The following DDX4 variants were observed in gnomAD, a reference collection of about 807,000 sequenced individuals.
DDX4 encodes DEAD-box helicase 4, also known as probable ATP-dependent RNA helicase DDX4.
In DDX4, 25 loss-of-function variants were observed where a neutral mutation model predicts 100.0. That is an observed-to-expected ratio of 0.25 (90% CI 0.18 to 0.35). The LOEUF (loss-of-function observed/expected upper bound fraction) is 0.35. Among genes scored for constraint, DDX4 ranks in the 10% least tolerant of loss-of-function variants. The pLI is 1.00. For missense variants in DDX4, 635 were observed against 882.4 expected (o/e 0.72, Z 3.55); for synonymous variants, 259 against 275.7 (o/e 0.94, Z 0.60).
chr5:55,745,332 A>C (rs1397922207), intron 2 of DDX4, among the ~76,000 whole-genome samples: 1 of 152,246 alleles, frequency 6.6e-6, no homozygotes, highest in Non-Finnish European at 1.5e-5. Context: ...ACTGTAATAT[A>C]TGGAACTTGG....
In DDX4 at chr5:55,785,562, TAAAAAC is replaced by T. The variant is rs1483540981; in HGVS notation, c.721+72_721+77del. 4.3e-6 allele frequency: 6 copies of T among 1,388,416 alleles called. No individual in the cohort carries two copies. The African/African-American group carries it at 4.4e-5, about 10-fold the overall frequency. 86.0% of individuals were successfully genotyped at this position (1,388,416 alleles called of 1,614,324 possible). On this transcript the variant is annotated intron_variant, in intron 12 of 21. Coordinates refer to ENST00000505374, the MANE Select transcript of DDX4 (RefSeq NM_024415.3). ...TTTAATAATGCTTAAGTATTTTACT[TAAAAAC>T]AAAGTTATCTTTTAAAAATTTGAAC...
At chr5:55,794,026 T>A (rs1742754253) in intron 17 of DDX4, among the ~76,000 whole-genome samples, 2 of 152,330 alleles carry the variant, frequency 1.3e-5, no homozygotes, top group South Asian at 4.1e-4. Flanking sequence ...TATTGATTTA[T>A]TTTTTATATG....
intron 6 of DDX4, among the ~76,000 whole-genome samples, chr5:55,767,155 A>G (rs1303612079): frequency 6.6e-6 from 1 of 152,174 alleles, no homozygotes; most frequent in Admixed American, 6.6e-5. Flanking sequence ...AGAATGGTAA[A>G]TTGGCCGGGT....
In DDX4 at chr5:55,749,984, C is replaced by CA. The variant is rs56883424; in HGVS notation, c.127+3777dup. Among the ~76,000 whole-genome samples, 751 of 123,106 alleles carry CA rather than the reference C, an allele frequency of 6.1e-3. 5 individuals carry two copies. Among genetic ancestry groups the CA allele is most frequent in the Middle Eastern group, 0.014 (3 of 218 alleles). 80.8% of individuals were successfully genotyped at this position (123,106 alleles called of 152,430 possible). ...ATCCACAGTTCAGTTTTATTCAGAG[C>CA]AAAAAAAAAAAAAACTTTTAATCAC... On this transcript the variant is annotated intron_variant, in intron 3 of 21. Coordinates refer to ENST00000505374, the MANE Select transcript of DDX4 (RefSeq NM_024415.3).
At chr5:55,744,349 T>G (rs1467366166) in intron 2 of DDX4, among the ~76,000 whole-genome samples, 2 of 152,234 alleles carry the variant, frequency 1.3e-5, no homozygotes, top group African/African-American at 2.4e-5. Context: ...CCTTTCATTC[T>G]TAAATTATTA....
intron 3 of DDX4, among the ~76,000 whole-genome samples, chr5:55,746,553 C>T (rs529612244): frequency 5.1e-4 from 77 of 152,264 alleles, no homozygotes; most frequent in Non-Finnish European, 9.1e-4. Context: ...ATAAGGTTGT[C>T]GAAGCAGGTT....
intron 17 of DDX4, among the ~76,000 whole-genome samples, chr5:55,793,674 T>C (rs1188287855): frequency 1.3e-5 from 2 of 152,198 alleles, no homozygotes; most frequent in Non-Finnish European, 2.9e-5. Context: ...GGTGGGCCAG[T>C]AGTGCTTGCT....
intron 16 of DDX4, among the ~76,000 whole-genome samples, chr5:55,791,191 T>C (rs1742537971): frequency 6.6e-6 from 1 of 152,158 alleles, no homozygotes; most frequent in African/African-American, 2.4e-5. Flanking sequence ...TTTAAAAAGA[T>C]TTTAGGGCCA....
chr5:55,754,716 T>G (rs1375222831), intron 3 of DDX4, among the ~76,000 whole-genome samples: 2 of 150,826 alleles, frequency 1.3e-5, no homozygotes, highest in Non-Finnish European at 3.0e-5. Context: ...TTCCCTCTTT[T>G]TCTATTGATT....
intron 7 of DDX4, among the ~76,000 whole-genome samples, chr5:55,769,117 A>G (rs1291077809): frequency 6.6e-6 from 1 of 152,040 alleles, no homozygotes; most frequent in Non-Finnish European, 1.5e-5. Flanking sequence ...AAGCTTGTTC[A>G]TTTAATTAGG....
Position 55,748,500 on chromosome 5 carries a change from G to GT in DDX4, c.127+2290dup, listed in dbSNP as rs3840126. 3.0e-3 allele frequency among the ~76,000 whole-genome samples: 448 copies of GT among 146,892 alleles called. 1 individual carries two copies. Among genetic ancestry groups the GT allele is most frequent in the African/African-American group, 6.8e-3 (274 of 40,428 alleles). ...GAAATAACCACCAACTAAAAGCTAA[G>GT]TTTTTTTTTTTAGCATTAGACCTAT... On this transcript the variant is annotated intron_variant, in intron 3 of 21. Transcript: ENST00000505374.
chr5:55,801,391 G>T (rs1743294663), intron 18 of DDX4, among the ~76,000 whole-genome samples: 1 of 152,256 alleles, frequency 6.6e-6, no homozygotes, highest in South Asian at 2.1e-4. Flanking sequence ...TAATTTAGAG[G>T]TAGATGTAAA....
intron 17 of DDX4, among the ~76,000 whole-genome samples, chr5:55,793,244 AT>A (rs1273417694): frequency 1.3e-5 from 2 of 152,158 alleles, no homozygotes; most frequent in African/African-American, 2.4e-5. Flanking sequence ...GTTATATACC[AT>A]GGGGTCTAAT....
intron 15 of DDX4, among the ~76,000 whole-genome samples, chr5:55,788,975 T>G (rs1490795098): frequency 1.3e-5 from 2 of 152,060 alleles, no homozygotes; most frequent in African/African-American, 2.4e-5. Context: ...CCTGAGAGAT[T>G]ACCTGAGCCT....
At chr5:55,771,171 A>G (rs893774125) in intron 7 of DDX4, among the ~76,000 whole-genome samples, 7 of 152,216 alleles carry the variant, frequency 4.6e-5, no homozygotes, top group South Asian at 2.1e-4. Flanking sequence ...TACACATACC[A>G]TAAGTGTATA....
At chr5:55,742,823 G>A (rs1362147776) in intron 2 of DDX4, among the ~76,000 whole-genome samples, 1 of 152,186 alleles carries the variant, frequency 6.6e-6, no homozygotes, top group African/African-American at 2.4e-5. Flanking sequence ...AAGCGCGTTT[G>A]AGAACCAAAT....
intron 4 of DDX4, among the ~76,000 whole-genome samples, chr5:55,762,594 GA>G (rs1740633752): frequency 1.3e-5 from 2 of 152,228 alleles, no homozygotes; most frequent in Admixed American, 1.3e-4. Context: ...TGTTTGGTGT[GA>G]ATTAAAATGT....
rs905468631 is a variant in DDX4, at chr5:55,769,746, C to T, written c.394+1806C>T. Reference sequence around the variant, plus strand: ...CAAAGAACAAAGCTGGAAAGCGTCACATTACCTGAGTTCAAACTATACTAC... The same window carrying T: ...CAAAGAACAAAGCTGGAAAGCGTCATATTACCTGAGTTCAAACTATACTAC... On this transcript the variant is annotated intron_variant, in intron 7 of 21. Transcript: ENST00000505374. 8.3e-4 allele frequency among the ~76,000 whole-genome samples: 126 copies of T among 152,172 alleles called. 4 individuals are homozygous for T. Among genetic ancestry groups the T allele is most frequent in the Admixed American group, 8.3e-3 (126 of 15,266 alleles).
At position 55,816,708 on chromosome 5, in the gene DDX4, T is replaced by C. The variant is rs1470556853; in HGVS notation, c.*168T>C. The C allele has an allele frequency of 8.5e-7, 1 of 1,178,208 alleles. No individual in the cohort carries two copies. The highest frequency in any genetic ancestry group is 1.1e-6 in the Non-Finnish European group (1 of 874,350). The allele number at this position is 1,178,208 out of a possible 1,614,324, so 73.0% of individuals were successfully genotyped here. ...CTTACTGACTAGTTATGTGAGATGC[T>C]AAAACTTACAACATTGCAGTTACTG... On this transcript the variant is annotated 3_prime_UTR_variant, in exon 22 of 22. Transcript: ENST00000505374.
Sources: allele counts gnomAD v4.1 joint callset (sites outside exome capture counted in the v4.1 genomes callset), GRCh38; gene constraint gnomAD v4.1.1; transcripts MANE v1.5; gene names NCBI Gene and HGNC (gene_info 2026-07-23, HGNC 2026-07-21).